Variants in DNAH6 observed in about 807,000 individuals in gnomAD.
DNAH6 encodes the protein axonemal beta dynein heavy chain 6.
In DNAH6, 340 loss-of-function variants were observed where a neutral mutation model predicts 491.4. That is an observed-to-expected ratio of 0.69 (90% CI 0.63 to 0.76). The LOEUF is 0.76. Ranked by LOEUF, DNAH6 falls within the 30% of genes least tolerant of loss-of-function variation. The pLI is 0.00. For missense variants in DNAH6, 4,443 were observed against 4,972.2 expected, an observed-to-expected ratio of 0.89 and a Z score of 3.20; for synonymous variants, 1,603 against 1,686.1, an observed-to-expected ratio of 0.95 and a Z score of 1.21.
chr2:84,812,473 A>G lies in DNAH6; in HGVS notation c.11872A>G (p.Lys3958Glu), dbSNP rs1680084764. 6.4e-7 allele frequency: 1 copy of G among 1,551,620 alleles called. No individual in the cohort carries two copies. The highest frequency in any genetic ancestry group is 1.4e-5 in the African/African-American group (1 of 73,046). ...LWSNTAYPSL[K>E]PLGSWVKDLI... ...GTCCAACACAGCCTACCCATCCCTG[A>G]AGCCACTAGGATCATGGGTCAAAGA... is the stretch of plus-strand genomic sequence containing the variant. The change falls in exon 73 of 77, where the codon AAG (lysine) becomes GAG (glutamate). Residue 3958 changes from lysine (K) to glutamate (E), a missense_variant. Lys to Glu is a moderately conservative substitution (Grantham distance 56). Coordinates refer to ENST00000389394, the MANE Select transcript of DNAH6 (RefSeq NM_001370.2).
chr2:84,513,004 AT>A (rs1203182132), upstream of DNAH6, among the ~76,000 whole-genome samples: 3 of 151,744 alleles, frequency 2.0e-5, no homozygotes, highest in African/African-American at 7.3e-5. Context: ...TACTTTTGAC[AT>A]TTTGTATTTG....
At chr2:84,617,249 T>C (rs1017543900) in intron 23 of DNAH6, among the ~76,000 whole-genome samples, 3 of 152,112 alleles carry the variant, frequency 2.0e-5, no homozygotes, top group African/African-American at 7.2e-5. Flanking sequence ...AGGTGTGTTA[T>C]GGGGTACATA....
At chr2:84,685,282 A>G (rs754633132) in intron 42 of DNAH6, 44 bp from the exon 43 acceptor site, 9 of 1,336,168 alleles carry the variant, frequency 6.7e-6, no homozygotes, top group Non-Finnish European at 9.0e-6. Flanking sequence ...AGATTCTACA[A>G]ATGTAGAATT....
chr2:84,560,465 T>A (rs906353540), intron 11 of DNAH6, among the ~76,000 whole-genome samples: 14 of 150,960 alleles, frequency 9.3e-5, no homozygotes, highest in African/African-American at 2.2e-4. Flanking sequence ...TTTTTTTTTT[T>A]ATTATTATTA....
rs553278202 is a variant in DNAH6, at chr2:84,619,359, C to G, written c.3573-326C>G. ...TTAGGGAAAACAAATAATACATCTT[C>G]ACTCTGGAGGCTTAAAGCCAGGTAA... is the stretch of plus-strand genomic sequence containing the variant. On this transcript the variant is annotated intron_variant, in intron 23 of 76. Transcript: ENST00000389394. 8.5e-5 allele frequency among the ~76,000 whole-genome samples: 13 copies of G among 152,318 alleles called. No individual in the cohort carries two copies. In the South Asian group the frequency reaches 2.7e-3, roughly 32 times the overall value.
Position 84,604,468 on chromosome 2 carries a change from C to A in DNAH6, c.2998C>A (p.His1000Asn). Reference protein sequence around the residue: ...PLTLERLSQLHVFDFGQEIQD... With the variant: ...PLTLERLSQLNVFDFGQEIQD... Reference sequence around the variant, plus strand: ...AACCTTGGAGAGGCTCTCCCAGTTGCATGTTTTTGACTTTGGTCAAGAAAT... The same window carrying A: ...AACCTTGGAGAGGCTCTCCCAGTTGAATGTTTTTGACTTTGGTCAAGAAAT... Residue 1000 changes from histidine to asparagine, a missense_variant, in exon 19 of 77, where the codon CAT (histidine) becomes AAT (asparagine). This residue lies in a region of DNAH6 where 2,977 missense variants were observed against 3,296.6 expected (regional missense o/e 0.90). Transcript: ENST00000389394. 6.4e-7 allele frequency: 1 copy of A among 1,551,726 alleles called. No individual in the cohort carries two copies. The highest frequency in any genetic ancestry group is 1.4e-5 in the African/African-American group (1 of 73,166).
At chr2:84,778,602 G>A (rs1221422449) in intron 64 of DNAH6, among the ~76,000 whole-genome samples, 1 of 151,804 alleles carries the variant, frequency 6.6e-6, no homozygotes, top group East Asian at 1.9e-4. Flanking sequence ...CCAGGGTCAG[G>A]TGATCCTCCC....
chr2:84,638,469 AC>A, intron 31 of DNAH6, among the ~76,000 whole-genome samples: 1 of 151,928 alleles, frequency 6.6e-6, no homozygotes, highest in South Asian at 2.1e-4. Flanking sequence ...ACTCCAGAAG[AC>A]CCCTTGTGTG....
At chr2:84,750,361 T>C (rs1673351744) in intron 63 of DNAH6, among the ~76,000 whole-genome samples, 2 of 152,040 alleles carry the variant, frequency 1.3e-5, no homozygotes, top group South Asian at 4.2e-4. Flanking sequence ...TTTTGTATTC[T>C]TTTTGTAGAA....
At chr2:84,499,342 G>T in the DNAH6 span, among the ~76,000 whole-genome samples, 3 of 152,118 alleles carry the variant, frequency 2.0e-5, no homozygotes, top group Admixed American at 1.3e-4. Context: ...AATGATTTCA[G>T]TTCTACCCAT....
chr2:84,806,618 C>CAAA (rs1162301447), intron 71 of DNAH6, among the ~76,000 whole-genome samples: 14 of 38,430 alleles, frequency 3.6e-4, no homozygotes, highest in African/African-American at 5.6e-4. Context: ...GACTCAGTCT[C>CAAA]AAAAAAAAAA....
At chr2:84,686,304 C>T (rs903886363) in intron 43 of DNAH6, among the ~76,000 whole-genome samples, 180 bp from the exon 44 acceptor site, 2 of 152,078 alleles carry the variant, frequency 1.3e-5, no homozygotes, top group Non-Finnish European at 2.9e-5. Context: ...TAATCTTAAA[C>T]TTGGGAGATT....
chr2:84,775,499 G>A (rs1676035430), intron 64 of DNAH6, among the ~76,000 whole-genome samples: 1 of 152,192 alleles, frequency 6.6e-6, no homozygotes, highest in Non-Finnish European at 1.5e-5. Flanking sequence ...GCCAGATATT[G>A]GTATCAGGAT....
At chr2:84,645,354 G>A (rs1239982588) in intron 33 of DNAH6, among the ~76,000 whole-genome samples, 2 of 152,214 alleles carry the variant, frequency 1.3e-5, no homozygotes, top group Non-Finnish European at 2.9e-5. Context: ...GTGAGGTGGA[G>A]GTTGCAGTAA....
chr2:84,611,729 C>T lies in DNAH6; in HGVS notation c.3350C>T (p.Ala1117Val). 2 of 1,551,148 alleles carry T rather than the reference C, an allele frequency of 1.3e-6. No homozygotes were observed. The highest frequency in any genetic ancestry group is 1.7e-6 in the Non-Finnish European group (2 of 1,146,628). ...NWLYLESIFN[A>V]PDIQRQLPAE... ...CTCTACCTAGAAAGTATTTTCAATG[C>T]TCCAGACATTCAGAGGCAATTGCCT... Residue 1117 changes from alanine (A) to valine (V), a missense_variant, in exon 22 of 77, where the codon GCT (alanine) becomes GTT (valine). By Grantham distance (64) the Ala-to-Val change is moderately conservative. This residue lies in a region of DNAH6 where 2,977 missense variants were observed against 3,296.6 expected (regional missense o/e 0.90). Transcript: ENST00000389394.
At chr2:84,506,008 G>A in the DNAH6 span, among the ~76,000 whole-genome samples, 14 of 152,234 alleles carry the variant, frequency 9.2e-5, no homozygotes, top group East Asian at 1.9e-4. Flanking sequence ...GAATAGTGCC[G>A]CAATAAACAT....
At chr2:84,798,305 C>T (rs1261719159) in intron 70 of DNAH6, among the ~76,000 whole-genome samples, 2 of 152,136 alleles carry the variant, frequency 1.3e-5, no homozygotes, top group Non-Finnish European at 2.9e-5. Context: ...TGGACTGGAC[C>T]TAAAGAAGGA....
chr2:84,506,007 C>T, the DNAH6 span, among the ~76,000 whole-genome samples: 13 of 152,186 alleles, frequency 8.5e-5, no homozygotes, highest in East Asian at 1.9e-4. Flanking sequence ...TGAATAGTGC[C>T]GCAATAAACA....
chr2:84,661,694 A>G (rs182903728), intron 37 of DNAH6, among the ~76,000 whole-genome samples: 196 of 152,366 alleles, frequency 1.3e-3, no homozygotes, highest in Non-Finnish European at 1.2e-3. Context: ...TTGAGATACT[A>G]TTATTAAGTT....
Sources: gnomAD v4.1 joint callset for allele counts (sites outside exome capture counted in the v4.1 genomes callset) on GRCh38, gnomAD v4.1.1 for gene constraint, gnomAD v4.1.1 regional missense constraint, MANE v1.5 for transcripts, NCBI Gene and HGNC (gene_info 2026-07-23, HGNC 2026-07-21) for gene names.